ZBTB20: variants seen among roughly 807,000 people sequenced by gnomAD.
ZBTB20 encodes zinc finger and BTB domain containing 20.
A neutral mutation model predicts 56.9 loss-of-function variants in ZBTB20; 9 were observed. The ratio of observed to expected loss-of-function variants is 0.16; its 90% CI spans 0.10 to 0.28. ZBTB20 has a LOEUF of 0.28. ZBTB20 is among the 10% of genes least tolerant of loss of function. The probability of loss-of-function intolerance (pLI) is 1.00; values close to 1 mark genes in which losing one functional copy is unlikely to be tolerated. For missense variants in ZBTB20, 655 were observed against 1,003.0 expected (o/e 0.65, Z 4.69); for synonymous variants, 417 against 420.7 (o/e 0.99, Z 0.11).
chr3:114,488,528 A>G (rs185205999), intron 7 of ZBTB20, among the ~76,000 whole-genome samples: 1 of 152,232 alleles, frequency 6.6e-6, no homozygotes, highest in African/African-American at 2.4e-5. Context: ...TGGAAAATGC[A>G]TCTCATACCT....
intron 3 of ZBTB20, among the ~76,000 whole-genome samples, chr3:114,911,554 T>C (rs1407767455): frequency 1.3e-5 from 2 of 151,492 alleles, no homozygotes; most frequent in Non-Finnish European, 3.0e-5. Context: ...ATTAGTTTAG[T>C]TTAAATATTA....
chr3:114,876,151 T>C (rs1376468537), intron 4 of ZBTB20, among the ~76,000 whole-genome samples: 2 of 151,562 alleles, frequency 1.3e-5, no homozygotes, highest in South Asian at 4.2e-4. Flanking sequence ...TTTATTCTCA[T>C]AGGTTATTGG....
chr3:114,796,020 T>G (rs931657772), intron 5 of ZBTB20, among the ~76,000 whole-genome samples: 2 of 151,662 alleles, frequency 1.3e-5, no homozygotes, highest in African/African-American at 4.8e-5. Context: ...TTGCATTAGT[T>G]TCTTAGAGCT....
intron 5 of ZBTB20, among the ~76,000 whole-genome samples, chr3:114,783,094 C>T (rs756128985): frequency 6.6e-6 from 1 of 152,060 alleles, no homozygotes; most frequent in Non-Finnish European, 1.5e-5. Flanking sequence ...TTGGAAACCA[C>T]GGTGGTCAAG....
intron 2 of ZBTB20, among the ~76,000 whole-genome samples, chr3:114,991,582 T>C (rs1190160494): frequency 6.6e-6 from 1 of 152,166 alleles, no homozygotes; most frequent in African/African-American, 2.4e-5. Context: ...TATATTCTGT[T>C]GATTTGGGGT....
intron 7 of ZBTB20, among the ~76,000 whole-genome samples, chr3:114,423,926 A>G (rs2089418113): frequency 6.6e-6 from 1 of 152,216 alleles, no homozygotes; most frequent in Non-Finnish European, 1.5e-5. Context: ...CCACATGCTA[A>G]GTTGACTACG....
chr3:114,739,068 C>T lies in ZBTB20; in HGVS notation c.-342-45493G>A, dbSNP rs180972991. 4.4e-3 allele frequency among the ~76,000 whole-genome samples: 670 copies of T among 152,238 alleles called. 1 individual carries two copies. Among genetic ancestry groups the T allele is most frequent in the South Asian group, 0.015 (72 of 4,820 alleles). On this transcript the variant is annotated intron_variant, in intron 5 of 11. Transcript: ENST00000675478. ...TACAGGTGTGAGCCATCATGCCTGGCCATCGTGCCAACGTATTGAAGTGGA... is the reference window on the plus strand; with the variant it reads ...TACAGGTGTGAGCCATCATGCCTGGTCATCGTGCCAACGTATTGAAGTGGA...
intron 5 of ZBTB20, among the ~76,000 whole-genome samples, chr3:114,730,159 T>C (rs940127083): frequency 1.1e-4 from 16 of 151,966 alleles, no homozygotes; most frequent in Admixed American, 1.1e-3. Flanking sequence ...TAAAATTATA[T>C]ATGACAATCA....
intron 7 of ZBTB20, among the ~76,000 whole-genome samples, chr3:114,479,129 G>C (rs976321109): frequency 6.6e-6 from 1 of 151,886 alleles, no homozygotes; most frequent in African/African-American, 2.4e-5. Flanking sequence ...GTTTTTGTGA[G>C]TTCTATTTTG....
chr3:114,901,394 T>C (rs537613115), intron 3 of ZBTB20, among the ~76,000 whole-genome samples: 132 of 152,230 alleles, frequency 8.7e-4, no homozygotes, highest in South Asian at 2.1e-3. Context: ...TAAAAGTATA[T>C]AGAGGTAATA....
At chr3:114,847,044 A>G (rs1218122376) in intron 4 of ZBTB20, among the ~76,000 whole-genome samples, 1 of 152,208 alleles carries the variant, frequency 6.6e-6, no homozygotes, top group Non-Finnish European at 1.5e-5. Flanking sequence ...GTTAAAGTAT[A>G]TTTAGTGATC....
intron 6 of ZBTB20, among the ~76,000 whole-genome samples, chr3:114,619,593 G>A (rs950161488): frequency 6.6e-6 from 1 of 152,056 alleles, no homozygotes; most frequent in South Asian, 2.1e-4. Flanking sequence ...TAGGGTGCTA[G>A]AATGGGCATT....
At chr3:114,917,945 A>G (rs972238626) in intron 3 of ZBTB20, among the ~76,000 whole-genome samples, 1 of 150,208 alleles carries the variant, frequency 6.7e-6, no homozygotes, top group Non-Finnish European at 1.5e-5. Context: ...CACCAGCCAC[A>G]TCTGTGTCCT....
intron 6 of ZBTB20, among the ~76,000 whole-genome samples, chr3:114,538,624 A>T (rs1405424141): frequency 6.6e-6 from 1 of 152,078 alleles, no homozygotes; most frequent in Non-Finnish European, 1.5e-5. Context: ...GTAACCAACC[A>T]CGCAGTTTAA....
At chr3:114,894,431 A>T (rs1031292651) in intron 4 of ZBTB20, among the ~76,000 whole-genome samples, 12 of 152,212 alleles carry the variant, frequency 7.9e-5, no homozygotes, top group African/African-American at 2.9e-4. Flanking sequence ...TAACCCAGTT[A>T]TGATGAACTA....
In ZBTB20 at chr3:114,314,842, A is replaced by T. The variant is rs1560039851; in HGVS notation, c.*24163T>A. The T allele has an allele frequency of 6.6e-6, 1 of 151,938 alleles. No individual in the cohort carries two copies. Among genetic ancestry groups the T allele is most frequent in the Non-Finnish European group, 1.5e-5 (1 of 67,976 alleles). 9.4% of individuals were successfully genotyped at this position (151,938 alleles called of 1,614,324 possible). On this transcript the variant is annotated 3_prime_UTR_variant, in exon 12 of 12. Transcript: ENST00000675478. Reference sequence around the variant, plus strand: ...CTACAGTTAATTTTTCTTTTTTTGAATGTTTTTTTTCCTGTTTAAATAACA... The same window carrying T: ...CTACAGTTAATTTTTCTTTTTTTGATTGTTTTTTTTCCTGTTTAAATAACA...
intron 7 of ZBTB20, among the ~76,000 whole-genome samples, chr3:114,493,527 T>C (rs1443360218): frequency 6.6e-6 from 1 of 152,158 alleles, no homozygotes; most frequent in Non-Finnish European, 1.5e-5. Context: ...CATCAGGCCT[T>C]ACGTATCTCT....
At chr3:115,083,878 AAT>A (rs2082886745) in intron 1 of ZBTB20, among the ~76,000 whole-genome samples, 1 of 151,962 alleles carries the variant, frequency 6.6e-6, no homozygotes, top group African/African-American at 2.4e-5. Context: ...ATAGCATTAA[AAT>A]ATATGACATT....
chr3:114,983,480 A>G (rs368552062), intron 2 of ZBTB20, among the ~76,000 whole-genome samples: 1 of 151,970 alleles, frequency 6.6e-6, no homozygotes, highest in Non-Finnish European at 1.5e-5. Context: ...TTCATATTTC[A>G]TGGTCAAAGG....
Sources: gnomAD v4.1 joint callset for allele counts (sites outside exome capture counted in the v4.1 genomes callset) on GRCh38, gnomAD v4.1.1 for gene constraint, MANE v1.5 for transcripts, NCBI Gene and HGNC (gene_info 2026-07-23, HGNC 2026-07-21) for gene names.